Variants in PLEKHA7 observed in about 807,000 individuals in gnomAD.
PLEKHA7 encodes the protein pleckstrin homology domain containing A7, also known as pleckstrin homology domain-containing family A member 7.
Under a neutral mutation model 170.0 loss-of-function variants are expected in PLEKHA7, and 104 were observed. That is an observed-to-expected ratio of 0.61 (90% CI 0.52 to 0.72). The LOEUF (loss-of-function observed/expected upper bound fraction) is 0.72, where lower values mean the gene tolerates loss of function less well. Among genes scored for constraint, PLEKHA7 ranks in the 30% least tolerant of loss-of-function variants. PLEKHA7 has a pLI of 0.00. For missense variants in PLEKHA7, 1,615 were observed against 1,671.7 expected (o/e 0.97, Z 0.59); for synonymous variants, 648 against 660.8 (o/e 0.98, Z 0.30).
intron 3 of PLEKHA7, among the ~76,000 whole-genome samples, chr11:16,917,216 C>G (rs7117737): frequency 0.48 from 73,552 of 151,852 alleles, 18,371 homozygotes; most frequent in East Asian, 0.75. Flanking sequence ...AAGACCCTGT[C>G]TCAAAAAAAT....
At chr11:16,841,500 T>G in intron 9 of PLEKHA7, 47 bp downstream of exon 9, 5 of 1,583,206 alleles carry the variant, frequency 3.2e-6, no homozygotes, top group Non-Finnish European at 4.3e-6. Flanking sequence ...TGGGTCCCAA[T>G]CCTAGTGTAG....
chr11:16,851,372 G>T, intron 7 of PLEKHA7, 81 bp from the exon 8 acceptor site: 1 of 1,020,228 alleles, frequency 9.8e-7, no homozygotes, highest in South Asian at 1.8e-5. Context: ...CAGAACTTCA[G>T]CCAAGTTGTT....
intron 3 of PLEKHA7, among the ~76,000 whole-genome samples, chr11:16,938,261 TAC>T (rs1860445824): frequency 6.6e-6 from 1 of 152,166 alleles, no homozygotes; most frequent in Admixed American, 6.5e-5. Context: ...GCTGGTGTGT[TAC>T]CCTAGAAGCA....
rs377468847 is a variant in PLEKHA7 at position 16,817,050 on chromosome 11, G to A, written c.1616C>T (p.Ala539Val). The A allele has an allele frequency of 2.4e-5, 38 of 1,609,258 alleles. No homozygotes were observed. Among genetic ancestry groups the A allele is most frequent in the Admixed American group, 8.4e-5 (5 of 59,778 alleles). ...RQQFRHGSPTAPICLGSPEFT... is the reference protein window; with the variant it reads ...RQQFRHGSPTVPICLGSPEFT... The stretch of plus-strand genomic sequence containing the variant: ...CTCTGGGGAGCCAAGGCAGATGGGC[G>A]CTGTGGGGCTGCCGTGCCGGAACTG... The change falls in exon 11 of 27, where the codon GCG (alanine) becomes GTG (valine). Residue 539 changes from alanine to valine, a missense_variant. Ala to Val is a moderately conservative substitution (Grantham distance 64). Transcript: ENST00000531066. The surrounding 1 kb of genome is among the most constrained non-coding windows in gnomAD (Gnocchi z 4.4).
intron 3 of PLEKHA7, among the ~76,000 whole-genome samples, chr11:16,887,763 G>A (rs1054831799): frequency 3.9e-5 from 6 of 152,216 alleles, no homozygotes; most frequent in Non-Finnish European, 7.3e-5. Context: ...CCTCCCAGCC[G>A]CCTGCCTTGG....
intron 3 of PLEKHA7, among the ~76,000 whole-genome samples, chr11:16,891,209 C>T (rs72864087): frequency 0.086 from 13,046 of 152,158 alleles, 773 homozygotes; most frequent in Non-Finnish European, 0.13. Context: ...GCCACCCAGA[C>T]TCAAAAAATA....
At chr11:16,913,342 G>A (rs1043428528) in intron 3 of PLEKHA7, among the ~76,000 whole-genome samples, 3 of 152,136 alleles carry the variant, frequency 2.0e-5, no homozygotes, top group African/African-American at 2.4e-5. Flanking sequence ...CAGAGGGCGC[G>A]GGAGATGCTG....
intron 3 of PLEKHA7, among the ~76,000 whole-genome samples, chr11:16,965,347 C>G (rs1369756209): frequency 6.6e-6 from 1 of 152,030 alleles, no homozygotes; most frequent in Non-Finnish European, 1.5e-5. Flanking sequence ...GTTTGAAGAC[C>G]CCTATCTTAG....
At chr11:16,937,866 C>G (rs1171513488) in intron 3 of PLEKHA7, among the ~76,000 whole-genome samples, 1 of 152,126 alleles carries the variant, frequency 6.6e-6, no homozygotes, top group East Asian at 1.9e-4. Context: ...CCTCGGCCTC[C>G]CAAAGTGTTG....
At chr11:16,790,069 C>T (rs925437987) in intron 21 of PLEKHA7, 191 bp from the exon 22 acceptor site, 2 of 591,726 alleles carry the variant, frequency 3.4e-6, no homozygotes, top group East Asian at 2.9e-5. Flanking sequence ...CCAGGGGTGA[C>T]CTTTGTCCCT....
intron 3 of PLEKHA7, among the ~76,000 whole-genome samples, chr11:16,886,582 G>A (rs1293995356): frequency 6.6e-6 from 1 of 152,046 alleles, no homozygotes; most frequent in African/African-American, 2.4e-5. Flanking sequence ...ATGGTAGCAG[G>A]CACCTGTAAT....
At position 16,817,542 on chromosome 11, in the gene PLEKHA7, T is replaced by C. The variant is rs1258500539; in HGVS notation, c.1344-220A>G. On this transcript the variant is annotated intron_variant, in intron 10 of 26. Coordinates refer to ENST00000531066, the MANE Select transcript of PLEKHA7 (RefSeq NM_001329630.2). The surrounding 1 kb of genome is among the most constrained non-coding windows in gnomAD (Gnocchi z 4.4). ...TGTCAACTTCCTCTGCCAGGACAAC[T>C]TGGCTACCCCATGCCCATCACTTGG... 2.1e-6 allele frequency: 1 copy of C among 487,518 alleles called. No individual in the cohort carries two copies. The highest frequency in any genetic ancestry group is 3.6e-6 in the Non-Finnish European group (1 of 278,682). 30.2% of individuals were successfully genotyped at this position (487,518 alleles called of 1,614,324 possible).
chr11:16,781,594 T>C (rs2134110040), intron 26 of PLEKHA7, among the ~76,000 whole-genome samples: 2 of 152,310 alleles, frequency 1.3e-5, no homozygotes, highest in African/African-American at 4.8e-5. Flanking sequence ...TCTCAGCCCA[T>C]TCAGCATGTG....
At chr11:16,879,490 G>A (rs1855551242) in intron 3 of PLEKHA7, among the ~76,000 whole-genome samples, 1 of 152,126 alleles carries the variant, frequency 6.6e-6, no homozygotes, top group Admixed American at 6.5e-5. Context: ...CAGCCCTGGA[G>A]AGCATAGAGC....
At position 16,841,529 on chromosome 11, in the gene PLEKHA7, C is replaced by A. The variant is rs1235667180; in HGVS notation, c.872+18G>T. Reference sequence around the variant, plus strand: ...AGTGTAGGAGGTGCTGTGGCAGGGACCCTCCATCAGAACTAACCTCTTCAG... The same window carrying A: ...AGTGTAGGAGGTGCTGTGGCAGGGAACCTCCATCAGAACTAACCTCTTCAG... On this transcript the variant is annotated intron_variant, in intron 9 of 26. Coordinates refer to ENST00000531066, the MANE Select transcript of PLEKHA7 (RefSeq NM_001329630.2). 1.2e-6 allele frequency: 2 copies of A among 1,606,508 alleles called. No individual in the cohort carries two copies. Among genetic ancestry groups the A allele is most frequent in the Non-Finnish European group, 8.5e-7 (1 of 1,175,900 alleles).
intron 3 of PLEKHA7, among the ~76,000 whole-genome samples, chr11:16,901,647 T>C (rs745543201): frequency 1.8e-4 from 28 of 152,202 alleles, no homozygotes; most frequent in Admixed American, 4.6e-4. Flanking sequence ...GGCCGGAAGA[T>C]AGCTTGAGCT....
intron 3 of PLEKHA7, among the ~76,000 whole-genome samples, chr11:16,977,383 C>G (rs778211832): frequency 6.6e-6 from 1 of 152,116 alleles, no homozygotes. Context: ...TCACACGTCT[C>G]CCTCCTCAAT....
chr11:16,917,145 G>A (rs1469629695), intron 3 of PLEKHA7, among the ~76,000 whole-genome samples: 1 of 152,148 alleles, frequency 6.6e-6, no homozygotes, highest in Non-Finnish European at 1.5e-5. Context: ...CTTGAATCCA[G>A]GAGGTGGAAT....
chr11:16,975,577 TG>T (rs1478186631), intron 3 of PLEKHA7, among the ~76,000 whole-genome samples: 1 of 152,166 alleles, frequency 6.6e-6, no homozygotes, highest in East Asian at 1.9e-4. Flanking sequence ...TTGCTATCTG[TG>T]GGGGCTCCTG....
Sources: allele counts gnomAD v4.1 joint callset (sites outside exome capture counted in the v4.1 genomes callset), GRCh38; gene constraint gnomAD v4.1.1; non-coding constraint Gnocchi (gnomAD v3.1); transcripts MANE v1.5; gene names NCBI Gene and HGNC (gene_info 2026-07-23, HGNC 2026-07-21).